CLVS2: variants seen among roughly 807,000 people sequenced by gnomAD.
The protein encoded by CLVS2 is clavesin 2.
CLVS2 carries 19 observed loss-of-function variants against 29.0 expected under a neutral mutation model. The observed-to-expected ratio is 0.66, with a 90% CI of 0.46 to 0.96. The LOEUF is 0.96. CLVS2 is among the 40% of genes least tolerant of loss of function. The pLI is 0.00. For synonymous variants in CLVS2, 161 were observed against 151.3 expected (o/e 1.06, Z -0.47); for missense variants, 294 against 404.1 (o/e 0.73, Z 2.34).
intron 3 of CLVS2, among the ~76,000 whole-genome samples, chr6:123,030,356 G>C (rs1184022274): frequency 1.3e-5 from 2 of 152,142 alleles, no homozygotes; most frequent in Non-Finnish European, 2.9e-5. Flanking sequence ...AGTTATCCAA[G>C]AACCTTGTCT....
chr6:123,056,031 G>A lies in CLVS2; in HGVS notation c.896+5G>A, dbSNP rs1284686107. On this transcript the variant is annotated splice_donor_5th_base_variant and intron_variant, in intron 5 of 5. Coordinates refer to ENST00000275162, the MANE Select transcript of CLVS2 (RefSeq NM_001010852.4). ...CTCCCCAAAGTCCATGAAGAGGTAT[G>A]CTGGAGGTAGACTGGGGAGTGGGCT... The A allele has an allele frequency of 6.2e-7, 1 of 1,603,456 alleles. No homozygotes were observed.
chr6:122,998,655 G>A (rs1475696032), intron 2 of CLVS2, among the ~76,000 whole-genome samples: 3 of 152,200 alleles, frequency 2.0e-5, no homozygotes, highest in African/African-American at 7.2e-5. Context: ...CCAAAAGCAA[G>A]TAGTTTTGTT....
At chr6:123,008,561 A>G (rs1774704003) in intron 2 of CLVS2, among the ~76,000 whole-genome samples, 1 of 152,272 alleles carries the variant, frequency 6.6e-6, no homozygotes, top group East Asian at 1.9e-4. Flanking sequence ...TATTAATGCT[A>G]TTTGATTTCT....
chr6:123,057,921 A>G (rs1772718769), intron 5 of CLVS2, among the ~76,000 whole-genome samples: 1 of 152,164 alleles, frequency 6.6e-6, no homozygotes, highest in Non-Finnish European at 1.5e-5. Flanking sequence ...TAAAAGTTGT[A>G]TGCAAAATTT....
At chr6:123,029,123 C>A (rs1775045960) in intron 3 of CLVS2, among the ~76,000 whole-genome samples, 1 of 152,164 alleles carries the variant, frequency 6.6e-6, no homozygotes, top group Non-Finnish European at 1.5e-5. Flanking sequence ...GACTTTCCAG[C>A]CCCCATATCT....
At chr6:123,052,074 TTA>T (rs1772618701) in intron 4 of CLVS2, among the ~76,000 whole-genome samples, 1 of 148,592 alleles carries the variant, frequency 6.7e-6, no homozygotes, top group South Asian at 2.3e-4. Flanking sequence ...AATAAGAGCA[TTA>T]TACTTAATGA....
intron 2 of CLVS2, among the ~76,000 whole-genome samples, chr6:123,007,795 A>C (rs931998663): frequency 2.0e-5 from 3 of 152,194 alleles, no homozygotes; most frequent in Non-Finnish European, 4.4e-5. Context: ...CAAGAGCTGC[A>C]ATTATGTGCT....
chr6:123,016,544 C>T (rs1205397836), intron 3 of CLVS2, among the ~76,000 whole-genome samples: 1 of 151,944 alleles, frequency 6.6e-6, no homozygotes, highest in African/African-American at 2.4e-5. Flanking sequence ...TGTGCTTTTG[C>T]CTTCACAATT....
At chr6:123,025,775 C>G (rs1048879403) in intron 3 of CLVS2, among the ~76,000 whole-genome samples, 4 of 152,068 alleles carry the variant, frequency 2.6e-5, no homozygotes, top group Admixed American at 1.3e-4. Flanking sequence ...TCTGAGAGAC[C>G]ACCTCAACTC....
intron 4 of CLVS2, among the ~76,000 whole-genome samples, chr6:123,051,992 T>G (rs1334888103): frequency 6.6e-6 from 1 of 152,220 alleles, no homozygotes; most frequent in Non-Finnish European, 1.5e-5. Context: ...AGAGATGCAA[T>G]TCACATGTAA....
chr6:123,022,438 G>A (rs1253692254), intron 3 of CLVS2, among the ~76,000 whole-genome samples: 3 of 151,890 alleles, frequency 2.0e-5, no homozygotes, highest in Non-Finnish European at 4.4e-5. Flanking sequence ...ATTAGTTTAT[G>A]ATTACAAGAT....
At chr6:123,016,177 A>C (rs1774830518) in intron 3 of CLVS2, among the ~76,000 whole-genome samples, 1 of 151,886 alleles carries the variant, frequency 6.6e-6, no homozygotes, top group Non-Finnish European at 1.5e-5. Context: ...TGATTAGGGT[A>C]GTCATAGAAA....
intron 3 of CLVS2, among the ~76,000 whole-genome samples, chr6:123,041,463 C>T (rs1376987299): frequency 2.0e-5 from 3 of 151,884 alleles, no homozygotes; most frequent in African/African-American, 7.3e-5. Context: ...CTCTAATTAA[C>T]TTTAAAACAG....
intron 4 of CLVS2, among the ~76,000 whole-genome samples, chr6:123,055,071 A>C (rs533476548): frequency 6.6e-6 from 1 of 152,202 alleles, no homozygotes; most frequent in Non-Finnish European, 1.5e-5. Flanking sequence ...CATTTTGTCT[A>C]TAATCATAGA....
chr6:123,027,417 G>A (rs1306609768), intron 3 of CLVS2, among the ~76,000 whole-genome samples: 2 of 152,148 alleles, frequency 1.3e-5, no homozygotes, highest in Non-Finnish European at 2.9e-5. Context: ...CAGGCCAAGC[G>A]ATAATTCAAA....
At chr6:123,042,438 T>C (rs1413336825) in intron 3 of CLVS2, among the ~76,000 whole-genome samples, 1 of 152,192 alleles carries the variant, frequency 6.6e-6, no homozygotes, top group African/African-American at 2.4e-5. Context: ...ATTGTGTGTG[T>C]GCCAGGGCAG....
At position 123,072,507 on chromosome 6, in the gene CLVS2, T is replaced by G. The variant is rs576484396; in HGVS notation, c.*8746T>G. ...TTCTTGCTCACAAACAAGGCAGAATTTCCTTATGTTTCTTAATATTTGATC... is the reference window on the plus strand; with the variant it reads ...TTCTTGCTCACAAACAAGGCAGAATGTCCTTATGTTTCTTAATATTTGATC... On this transcript the variant is annotated 3_prime_UTR_variant, in exon 6 of 6. Transcript: ENST00000275162. The G allele has an allele frequency of 6.6e-6, 1 of 152,208 alleles. No individual in the cohort carries two copies. Among genetic ancestry groups the G allele is most frequent in the South Asian group, 2.1e-4 (1 of 4,826 alleles). 9.4% of individuals were successfully genotyped at this position (152,208 alleles called of 1,614,324 possible).
At chr6:123,036,803 C>T (rs1279293775) in intron 3 of CLVS2, among the ~76,000 whole-genome samples, 1 of 152,138 alleles carries the variant, frequency 6.6e-6, no homozygotes, top group East Asian at 1.9e-4. Flanking sequence ...TCTTTATAAT[C>T]TACTGCCTCA....
At chr6:123,004,950 CAAAA>C (rs61607272) in intron 2 of CLVS2, among the ~76,000 whole-genome samples, 58,559 of 148,502 alleles carry the variant, frequency 0.39, 11,611 homozygotes, top group South Asian at 0.48. Flanking sequence ...AAACAAAAAA[CAAAA>C]AAAAAAAAAA....
Sources: allele counts gnomAD v4.1 joint callset (sites outside exome capture counted in the v4.1 genomes callset), GRCh38; gene constraint gnomAD v4.1.1; transcripts MANE v1.5; gene names NCBI Gene and HGNC (gene_info 2026-07-23, HGNC 2026-07-21).